ZNF462: variants seen among roughly 807,000 people sequenced by gnomAD.
ZNF462 encodes zinc finger protein 462.
Under a neutral mutation model 201.9 loss-of-function variants are expected in ZNF462, and 10 were observed. The ratio of observed to expected loss-of-function variants is 0.05; its 90% CI spans 0.03 to 0.08. ZNF462 has a LOEUF of 0.08. Ranked by LOEUF, ZNF462 falls within the 10% of genes least tolerant of loss-of-function variation. The pLI, the probability that ZNF462 is intolerant of heterozygous loss-of-function variation, is 1.00. For synonymous variants in ZNF462, 1,227 were observed against 1,193.3 expected (o/e 1.03, Z -0.58); for missense variants, 2,523 against 3,168.3 (o/e 0.80, Z 4.89).
intron 1 of ZNF462, among the ~76,000 whole-genome samples, chr9:106,888,253 G>A (rs879940525): frequency 2.6e-5 from 4 of 152,020 alleles, no homozygotes; most frequent in Non-Finnish European, 5.9e-5. Context: ...GTGTTAGCCA[G>A]GATGGTCTCG....
intron 7 of ZNF462, among the ~76,000 whole-genome samples, chr9:106,960,371 G>A (rs1243763178): frequency 1.3e-5 from 2 of 152,124 alleles, no homozygotes; most frequent in African/African-American, 2.4e-5. Flanking sequence ...TGAGGAGGAA[G>A]CACTGTGGCC....
intron 7 of ZNF462, among the ~76,000 whole-genome samples, chr9:106,961,138 A>T (rs749996593): frequency 6.6e-5 from 10 of 152,102 alleles, no homozygotes; most frequent in Non-Finnish European, 1.2e-4. Context: ...TACCCATTAC[A>T]CCTGAGCATC....
chr9:106,922,289 C>T (rs1055606081), intron 1 of ZNF462, among the ~76,000 whole-genome samples: 2 of 152,200 alleles, frequency 1.3e-5, no homozygotes, highest in Non-Finnish European at 2.9e-5. Flanking sequence ...TTAGGATATA[C>T]ATTAAGATAG....
rs1362850361 is a variant in ZNF462 at position 107,008,832 on chromosome 9, C to G, written c.7190-713C>G. Among the ~76,000 whole-genome samples, 3 of 152,184 alleles carry G rather than the reference C, an allele frequency of 2.0e-5. No homozygotes were observed. Among genetic ancestry groups the G allele is most frequent in the East Asian group, 1.9e-4 (1 of 5,192 alleles). On this transcript the variant is annotated intron_variant, in intron 11 of 12. Coordinates refer to ENST00000277225, the MANE Select transcript of ZNF462 (RefSeq NM_021224.6). This position sits in a 1 kb window ranked among gnomAD's most constrained non-coding sequence, Gnocchi z 4.8. Reference sequence around the variant, plus strand: ...CCGTCCAGAAATGTCTGCATATCCCCGTATTCATGAATACCACCAATTGAG... The same window carrying G: ...CCGTCCAGAAATGTCTGCATATCCCGGTATTCATGAATACCACCAATTGAG...
At chr9:106,986,358 A>T (rs1050082007) in intron 10 of ZNF462, among the ~76,000 whole-genome samples, 15 of 152,162 alleles carry the variant, frequency 9.9e-5, no homozygotes, top group African/African-American at 3.4e-4. Context: ...TATTTCAACA[A>T]ATTACTTAAA....
chr9:106,931,316 C>T (rs951897097), intron 4 of ZNF462, among the ~76,000 whole-genome samples: 19 of 152,160 alleles, frequency 1.2e-4, no homozygotes, highest in African/African-American at 4.1e-4. Flanking sequence ...CATCATAATC[C>T]TAATAGCAGC....
Position 107,010,982 on chromosome 9 carries a change from A to C in ZNF462, c.7473A>C (p.Val2491=). The C allele has an allele frequency of 6.2e-7, 1 of 1,613,810 alleles. No homozygotes were observed. The highest frequency in any genetic ancestry group is 8.5e-7 in the Non-Finnish European group (1 of 1,179,908). ...ATGAAACAGTAGCCATCTGTGTAGT[A>C]ACTGCCGACAAATCTCTCCTGGAGA... ...LKNETVAICV[V]TADKSLLENA... is the part of the protein sequence containing the mutation. Residue 2491 remains valine, a synonymous_variant, in exon 13 of 13, where the codon GTA becomes GTC. Coordinates refer to ENST00000277225, the MANE Select transcript of ZNF462 (RefSeq NM_021224.6). This position sits in a 1 kb window ranked among gnomAD's most constrained non-coding sequence, Gnocchi z 4.6.
intron 7 of ZNF462, among the ~76,000 whole-genome samples, chr9:106,940,082 A>C (rs1830803064): frequency 6.6e-6 from 1 of 152,048 alleles, no homozygotes; most frequent in Non-Finnish European, 1.5e-5. Flanking sequence ...AGCAGAACAA[A>C]AGCTTGGGTT....
Position 106,924,433 on chromosome 9 carries a change from G to A in ZNF462, c.521G>A (p.Arg174Lys), listed in dbSNP as rs758558938. 3.1e-6 allele frequency: 5 copies of A among 1,614,002 alleles called. No individual in the cohort carries two copies. The highest frequency in any genetic ancestry group is 3.3e-5 in the Admixed American group (2 of 60,002). The change falls in exon 3 of 13, where the codon AGG becomes AAG. Residue 174 changes from arginine to lysine, a missense_variant. Transcript: ENST00000277225. The surrounding 1 kb of genome is among the most constrained non-coding windows in gnomAD (Gnocchi z 6.2). ...CQFCTYKSPR[R>K]ARIIKHQKMY... ...TTTTGCACATACAAGTCACCAAGAA[G>A]GGCAAGAATAATTAAGCATCAGAAG...
intron 7 of ZNF462, among the ~76,000 whole-genome samples, chr9:106,945,204 T>TACCTTACATTTC (rs1831052072): frequency 6.6e-6 from 1 of 152,204 alleles, no homozygotes. Context: ...ATATATGAAA[T>TACCTTACATTTC]GTAAGGTATC....
rs527689144 is a variant in ZNF462, at chr9:106,984,831, G to C, written c.7056+422G>C. 6.6e-6 allele frequency among the ~76,000 whole-genome samples: 1 copy of C among 152,324 alleles called. No homozygotes were observed. Among genetic ancestry groups the C allele is most frequent in the African/African-American group, 2.4e-5 (1 of 41,578 alleles). Reference sequence around the variant, plus strand: ...GTTTGGCAGTTTCTATAAAGGACCGGAGAGCAAATATTTTAGCCTTTGCAG... The same window carrying C: ...GTTTGGCAGTTTCTATAAAGGACCGCAGAGCAAATATTTTAGCCTTTGCAG... On this transcript the variant is annotated intron_variant, in intron 10 of 12. Coordinates refer to ENST00000277225, the MANE Select transcript of ZNF462 (RefSeq NM_021224.6). This position sits in a 1 kb window ranked among gnomAD's most constrained non-coding sequence, Gnocchi z 6.4.
chr9:106,920,944 T>C lies in ZNF462; in HGVS notation c.-30-2410T>C, dbSNP rs774826576. ...GCTTGAAGTTTTGAAGGGAAGAGAT[T>C]TTGTTTTCCTCTCTGCTACACAATG... On this transcript the variant is annotated intron_variant, in intron 1 of 12. Transcript: ENST00000277225. The surrounding 1 kb of genome is among the most constrained non-coding windows in gnomAD (Gnocchi z 4.3). Among the ~76,000 whole-genome samples the C allele has an allele frequency of 1.3e-5, 2 of 152,170 alleles. No individual in the cohort carries two copies. Among genetic ancestry groups the C allele is most frequent in the Non-Finnish European group, 2.9e-5 (2 of 68,028 alleles).
chr9:106,885,257 T>C lies in ZNF462; in HGVS notation c.-31+21902T>C, dbSNP rs1265178264. The stretch of plus-strand genomic sequence containing the variant: ...TTAAAGGAAGTGCCTCTAGAATAAA[T>C]GTTGTTAAGAGAATTTAATCTTCAC... On this transcript the variant is annotated intron_variant, in intron 1 of 12. Coordinates refer to ENST00000277225, the MANE Select transcript of ZNF462 (RefSeq NM_021224.6). This position sits in a 1 kb window ranked among gnomAD's most constrained non-coding sequence, Gnocchi z 4.1. Among the ~76,000 whole-genome samples the C allele has an allele frequency of 6.6e-6, 1 of 152,012 alleles. No homozygotes were observed. The highest frequency in any genetic ancestry group is 1.5e-5 in the Non-Finnish European group (1 of 68,014).
At chr9:106,867,854 T>A (rs1209095375) in intron 1 of ZNF462, among the ~76,000 whole-genome samples, 1 of 152,206 alleles carries the variant, frequency 6.6e-6, no homozygotes, top group Non-Finnish European at 1.5e-5. Flanking sequence ...AGACTTACAC[T>A]TCACTGCATC....
At chr9:106,997,481 G>A (rs1828823339) in intron 10 of ZNF462, among the ~76,000 whole-genome samples, 1 of 152,114 alleles carries the variant, frequency 6.6e-6, no homozygotes, top group Non-Finnish European at 1.5e-5. Context: ...AACACACAAT[G>A]GAATATTATT....
rs1367482443 is a variant in ZNF462 at position 106,966,014 on chromosome 9, G to A, written c.6428-5991G>A. Among the ~76,000 whole-genome samples the A allele has an allele frequency of 1.3e-5, 2 of 151,936 alleles. No homozygotes were observed. Among genetic ancestry groups the A allele is most frequent in the South Asian group, 2.1e-4 (1 of 4,832 alleles). ...CTTCACTAGAAATAATGGTCTATACGTCTAGCTTATTTGGGTTCTCCCTCA... is the reference window on the plus strand; with the variant it reads ...CTTCACTAGAAATAATGGTCTATACATCTAGCTTATTTGGGTTCTCCCTCA... On this transcript the variant is annotated intron_variant, in intron 7 of 12. Coordinates refer to ENST00000277225, the MANE Select transcript of ZNF462 (RefSeq NM_021224.6). The surrounding 1 kb of genome is among the most constrained non-coding windows in gnomAD (Gnocchi z 4.4).
rs1232846838 is a variant in ZNF462, at chr9:106,981,324, G to A, written c.6833-2862G>A. ...ATTTTTTAAATATTATGAATGAAAG[G>A]CTTATAAGCACACACATACAGACTG... On this transcript the variant is annotated intron_variant, in intron 9 of 12. Transcript: ENST00000277225. This position sits in a 1 kb window ranked among gnomAD's most constrained non-coding sequence, Gnocchi z 4.0. Among the ~76,000 whole-genome samples, 1 of 152,078 alleles carries A rather than the reference G, an allele frequency of 6.6e-6. No homozygotes were observed. The highest frequency in any genetic ancestry group is 1.5e-5 in the Non-Finnish European group (1 of 68,022).
Position 107,008,138 on chromosome 9 carries a change from C to G in ZNF462, c.7190-1407C>G, listed in dbSNP as rs535387358. ...ACCCAAGCAGAATCCTCCCCACCCC[C>G]CTCTCATTATGCAGTTGGGGAGGAG... On this transcript the variant is annotated intron_variant, in intron 11 of 12. Coordinates refer to ENST00000277225, the MANE Select transcript of ZNF462 (RefSeq NM_021224.6). The surrounding 1 kb of genome is among the most constrained non-coding windows in gnomAD (Gnocchi z 4.8). 2.6e-5 allele frequency among the ~76,000 whole-genome samples: 4 copies of G among 152,202 alleles called. No homozygotes were observed. Among genetic ancestry groups the G allele is most frequent in the East Asian group, 3.9e-4 (2 of 5,168 alleles).
Position 107,012,168 on chromosome 9 carries a change from A to T in ZNF462, c.*1138A>T, listed in dbSNP as rs1316160998. The stretch of plus-strand genomic sequence containing the variant: ...AACCAAACTTTCGGCACAGCTATGC[A>T]GCTTGTGGGCCAGACGAGGAGGTCC... On this transcript the variant is annotated 3_prime_UTR_variant, in exon 13 of 13. Transcript: ENST00000277225. 7.3e-6 allele frequency: 1 copy of T among 137,046 alleles called. No individual in the cohort carries two copies. Among genetic ancestry groups the T allele is most frequent in the Non-Finnish European group, 1.5e-5 (1 of 65,850 alleles). 8.5% of individuals were successfully genotyped at this position (137,046 alleles called of 1,614,324 possible).
Sources: gnomAD v4.1 joint callset for allele counts (sites outside exome capture counted in the v4.1 genomes callset) on GRCh38, gnomAD v4.1.1 for gene constraint, Gnocchi (gnomAD v3.1) non-coding constraint, MANE v1.5 for transcripts, NCBI Gene and HGNC (gene_info 2026-07-23, HGNC 2026-07-21) for gene names.